Variants in FAM25A observed in about 807,000 individuals in gnomAD.
The protein encoded by FAM25A is family with sequence similarity 25 member A.
A neutral mutation model predicts 6.6 loss-of-function variants in FAM25A; 5 were observed. The ratio of observed to expected loss-of-function variants is 0.75; its 90% CI spans 0.39 to 1.59. The LOEUF (loss-of-function observed/expected upper bound fraction) is 1.59, where lower values mean the gene tolerates loss of function less well. Ranked by LOEUF, FAM25A falls within the 40% of genes most tolerant of loss-of-function variation. FAM25A has a pLI of 0.02. For synonymous variants in FAM25A, 36 were observed against 41.3 expected, an observed-to-expected ratio of 0.87 and a Z score of 0.49; for missense variants, 93 against 109.7, an observed-to-expected ratio of 0.85 and a Z score of 0.68.
chr10:87,021,864 G>T (rs1845331513), intron 1 of FAM25A, among the ~76,000 whole-genome samples: 1 of 152,232 alleles, frequency 6.6e-6, no homozygotes, highest in Admixed American at 6.5e-5. Context: ...ACTGGATGAG[G>T]CTTTGGAAAC....
At chr10:87,022,249 C>T (rs575256142) in intron 1 of FAM25A, 65 bp from the exon 2 acceptor site, 5 of 1,542,246 alleles carry the variant, frequency 3.2e-6, no homozygotes, top group Non-Finnish European at 2.6e-6. Flanking sequence ...TGAGCCCTCA[C>T]CCTGGACTGG....
At chr10:87,023,690 C>G (rs147663273) in intron 2 of FAM25A, among the ~76,000 whole-genome samples, 61 of 152,326 alleles carry the variant, frequency 4.0e-4, no homozygotes, top group Non-Finnish European at 6.2e-4. Context: ...CACTGCACCC[C>G]AGCCTTGGTG....
At position 87,022,325 on chromosome 10, in the gene FAM25A, G is replaced by C. The variant is rs767640778; in HGVS notation, c.85G>C (p.Glu29Gln). 5.8e-6 allele frequency: 9 copies of C among 1,548,868 alleles called. No homozygotes were observed. The highest frequency in any genetic ancestry group is 7.8e-6 in the Non-Finnish European group (9 of 1,146,680). Reference protein sequence around the residue: ...KATEGAIHAVEEVVKEVVGHA... With the variant: ...KATEGAIHAVQEVVKEVVGHA... ...TCTCCTCTGTTCAGTTCATGCCGTGGAAGAAGTGGTGAAGGAGGTGGTGGG... is the reference window on the plus strand; with the variant it reads ...TCTCCTCTGTTCAGTTCATGCCGTGCAAGAAGTGGTGAAGGAGGTGGTGGG... Residue 29 changes from glutamate to glutamine, a missense_variant, in exon 2 of 3, where the codon GAA becomes CAA. Coordinates refer to ENST00000343959, the MANE Select transcript of FAM25A (RefSeq NM_001146157.3).
rs145768180 is a variant in FAM25A at position 87,020,461 on chromosome 10, A to G, written c.73+64A>G. On this transcript the variant is annotated intron_variant, in intron 1 of 2. Transcript: ENST00000343959. The stretch of plus-strand genomic sequence containing the variant: ...ATCTGGGGCAGACTGGGTCTGTGGG[A>G]GGCGGATCTAAGTAGGCAGGTGAGG... 2,190 of 1,536,314 alleles carry G rather than the reference A, an allele frequency of 1.4e-3. 27 individuals carry two copies. The African/African-American group carries it at 0.023, about 16-fold the overall frequency.
chr10:87,020,545 A>C (rs1845321310), intron 1 of FAM25A, 148 bp downstream of exon 1: 1 of 1,124,242 alleles, frequency 8.9e-7, no homozygotes, highest in Non-Finnish European at 1.3e-6. Context: ...CCAAGTCAGC[A>C]CGGAGTTGAG....
At chr10:87,020,687 C>T (rs1845322793) in intron 1 of FAM25A, among the ~76,000 whole-genome samples, 2 of 152,274 alleles carry the variant, frequency 1.3e-5, no homozygotes, top group South Asian at 4.1e-4. Context: ...TCTGAATAAC[C>T]TATGCAGGAA....
At position 87,024,710 on chromosome 10, in the gene FAM25A, T is replaced by TA. The variant is rs1845361755; in HGVS notation, c.*41dup. 2 of 1,535,546 alleles carry TA rather than the reference T, an allele frequency of 1.3e-6. No individual in the cohort carries two copies. The highest frequency in any genetic ancestry group is 8.7e-7 in the Non-Finnish European group (1 of 1,146,876). On this transcript the variant is annotated 3_prime_UTR_variant, in exon 3 of 3. Coordinates refer to ENST00000343959, the MANE Select transcript of FAM25A (RefSeq NM_001146157.3). ...TACCACGGCCCTTCCCCAGTCTCAA[T>TA]AAAAAGCCATGACATGTGTACATTG... is the stretch of plus-strand genomic sequence containing the variant.
rs1448777897 is a variant in FAM25A at position 87,024,666 on chromosome 10, G to A, written c.262G>A (p.Gly88Arg). Residue 88 changes from glycine to arginine, a missense_variant, in exon 3 of 3, where the codon GGA (glycine) becomes AGA (arginine). Physicochemically the swap from Gly to Arg is moderately radical, Grantham distance 125. Coordinates refer to ENST00000343959, the MANE Select transcript of FAM25A (RefSeq NM_001146157.3). ...TGCAGCAGAGAGTCTGGACAAACTT[G>A]GACAGTGAGTGCACCTGCTACCACG... ...THAAESLDKL[G>R]Q is the part of the protein sequence containing the mutation. 7 of 1,535,752 alleles carry A rather than the reference G, an allele frequency of 4.6e-6. No individual in the cohort carries two copies. Among genetic ancestry groups the A allele is most frequent in the Non-Finnish European group, 6.1e-6 (7 of 1,146,900 alleles).
chr10:87,022,435 G>C (rs1461201049), intron 2 of FAM25A, 59 bp downstream of exon 2: 30 of 1,532,596 alleles, frequency 2.0e-5, no homozygotes, highest in Non-Finnish European at 2.6e-5. Flanking sequence ...GCTAGGTGCT[G>C]GGCCAACCTG....
At chr10:87,022,250 C>A in intron 1 of FAM25A, 64 bp from the exon 2 acceptor site, 1 of 1,539,708 alleles carries the variant, frequency 6.5e-7, no homozygotes, top group South Asian at 1.2e-5. Flanking sequence ...GAGCCCTCAC[C>A]CTGGACTGGG....
intron 2 of FAM25A, among the ~76,000 whole-genome samples, chr10:87,024,079 T>C (rs1845355891): frequency 6.6e-6 from 1 of 151,354 alleles, no homozygotes; most frequent in Admixed American, 6.6e-5. Flanking sequence ...GGAGAATCTT[T>C]AGAACCATGA....
intron 2 of FAM25A, 135 bp from the exon 3 acceptor site, chr10:87,024,406 A>C: frequency 7.6e-6 from 10 of 1,316,490 alleles, no homozygotes; most frequent in Non-Finnish European, 8.3e-6. Flanking sequence ...TTCTGCAGTA[A>C]TCCTGCTGCC....
intron 1 of FAM25A, among the ~76,000 whole-genome samples, chr10:87,021,992 A>C (rs755790410): frequency 1.3e-5 from 2 of 152,238 alleles, no homozygotes; most frequent in Non-Finnish European, 2.9e-5. Context: ...CAGGCCGGGC[A>C]GGGCCAAGGG....
chr10:87,022,126 TG>T (rs1308198224), intron 1 of FAM25A, among the ~76,000 whole-genome samples, 187 bp from the exon 2 acceptor site: 4 of 151,240 alleles, frequency 2.6e-5, no homozygotes, highest in Non-Finnish European at 4.4e-5. Context: ...CTGTCCTGGC[TG>T]GGGGTGGCAT....
chr10:87,021,638 G>GC (rs1845330329), intron 1 of FAM25A, among the ~76,000 whole-genome samples: 1 of 152,060 alleles, frequency 6.6e-6, no homozygotes, highest in Non-Finnish European at 1.5e-5. Context: ...TGGACTTGCC[G>GC]CCCCCGCGAC....
chr10:87,021,249 C>T (rs1232942245), intron 1 of FAM25A, among the ~76,000 whole-genome samples: 1 of 152,244 alleles, frequency 6.6e-6, no homozygotes, highest in African/African-American at 2.4e-5. Flanking sequence ...TTCTAAATGG[C>T]AGCAGACGCG....
At chr10:87,021,503 G>A (rs1311101994) in intron 1 of FAM25A, among the ~76,000 whole-genome samples, 1 of 152,168 alleles carries the variant, frequency 6.6e-6, no homozygotes, top group African/African-American at 2.4e-5. Flanking sequence ...CTGTTTCTTT[G>A]TTAGATCACC....
At position 87,022,363 on chromosome 10, in the gene FAM25A, G is replaced by A; in HGVS notation, c.123G>A (p.Glu41=). The A allele has an allele frequency of 2.6e-6, 4 of 1,548,576 alleles. No individual in the cohort carries two copies. Among genetic ancestry groups the A allele is most frequent in the African/African-American group, 2.7e-5 (2 of 73,094 alleles). ...VVKEVVGHAK[E]TGEKAIAEAI... is the part of the protein sequence containing the mutation. Reference sequence around the variant, plus strand: ...AGGAGGTGGTGGGACACGCCAAGGAGACTGGAGAGAAAGGTACAGCTGGCT... The same window carrying A: ...AGGAGGTGGTGGGACACGCCAAGGAAACTGGAGAGAAAGGTACAGCTGGCT... Residue 41 remains glutamate (E), a synonymous_variant, in exon 2 of 3, where the codon GAG becomes GAA. Transcript: ENST00000343959.
intron 1 of FAM25A, 130 bp downstream of exon 1, chr10:87,020,527 C>T (rs1031452537): frequency 6.5e-6 from 8 of 1,234,916 alleles, no homozygotes; most frequent in Non-Finnish European, 8.9e-6. Context: ...CCCTGGTCCC[C>T]TGCTCTACCA....
Sources: gnomAD v4.1 joint callset for allele counts (sites outside exome capture counted in the v4.1 genomes callset) on GRCh38, gnomAD v4.1.1 for gene constraint, MANE v1.5 for transcripts, NCBI Gene and HGNC (gene_info 2026-07-23, HGNC 2026-07-21) for gene names.